Variants in ZNF385D observed in about 807,000 individuals in gnomAD.
The protein encoded by ZNF385D is zinc finger protein 659.
Under a neutral mutation model 35.8 loss-of-function variants are expected in ZNF385D, and 15 were observed. The observed-to-expected ratio is 0.42, with a 90% confidence interval of 0.28 to 0.64. ZNF385D has a LOEUF of 0.64. Among genes scored for constraint, ZNF385D ranks in the 30% least tolerant of loss-of-function variants. The pLI is 0.23. For synonymous variants in ZNF385D, 212 were observed against 186.8 expected (o/e 1.13, Z -1.10); for missense variants, 474 against 494.6 (o/e 0.96, Z 0.39).
At chr3:21,734,931 T>G (rs1175459707) in intron 1 of ZNF385D, among the ~76,000 whole-genome samples, 1 of 146,258 alleles carries the variant, frequency 6.8e-6, no homozygotes, top group Admixed American at 6.7e-5. Context: ...CAGTGAGGAA[T>G]GGAATGAGGG....
intron 2 of ZNF385D, among the ~76,000 whole-genome samples, chr3:22,259,893 A>G (rs1700531354): frequency 1.3e-5 from 2 of 151,794 alleles, no homozygotes; most frequent in African/African-American, 2.4e-5. Flanking sequence ...CCCCTCTCAG[A>G]CTCTCTGAAA....
At chr3:22,305,234 T>C (rs1703139558) in intron 2 of ZNF385D, among the ~76,000 whole-genome samples, 1 of 152,314 alleles carries the variant, frequency 6.6e-6, no homozygotes, top group African/African-American at 2.4e-5. Context: ...CTTTCTCCTA[T>C]TTATCTCCTT....
At chr3:21,701,324 C>G (rs1246096607) in intron 1 of ZNF385D, among the ~76,000 whole-genome samples, 1 of 151,748 alleles carries the variant, frequency 6.6e-6, no homozygotes, top group Non-Finnish European at 1.5e-5. Flanking sequence ...GAGGAAGAAG[C>G]AAAAGAGGAA....
At chr3:21,562,801 T>TAGAACTCTTATTTATGTATTAAG (rs1456878046) in intron 3 of ZNF385D, among the ~76,000 whole-genome samples, 1 of 143,806 alleles carries the variant, frequency 7.0e-6, no homozygotes, top group Non-Finnish European at 1.5e-5. Context: ...CTGTTGAGTT[T>TAGAACTCTTATTTATGTATTAAG]AGAACTCTTA....
intron 3 of ZNF385D, among the ~76,000 whole-genome samples, chr3:22,080,191 G>A (rs2125581214): frequency 6.6e-6 from 1 of 152,172 alleles, no homozygotes; most frequent in Middle Eastern, 3.4e-3. Context: ...GAAAGATAAT[G>A]GATCCTGGAA....
chr3:22,328,866 G>C (rs779396852), intron 2 of ZNF385D, among the ~76,000 whole-genome samples: 14 of 151,842 alleles, frequency 9.2e-5, no homozygotes, highest in Non-Finnish European at 1.9e-4. Context: ...ACGAGGTCAG[G>C]AGATCGAGAC....
chr3:22,226,136 A>T (rs1423748296), intron 2 of ZNF385D, among the ~76,000 whole-genome samples: 2 of 152,180 alleles, frequency 1.3e-5, no homozygotes, highest in Non-Finnish European at 1.5e-5. Flanking sequence ...CAAAAAAAAA[A>T]AGTTAGCTAA....
chr3:21,816,108 G>T (rs560303751), intron 3 of ZNF385D, among the ~76,000 whole-genome samples: 1 of 152,090 alleles, frequency 6.6e-6, no homozygotes, highest in Admixed American at 6.6e-5. Context: ...ATGCAGAAAA[G>T]GCCTTTGACA....
intron 1 of ZNF385D, among the ~76,000 whole-genome samples, chr3:21,706,898 T>C (rs1229539626): frequency 6.6e-6 from 1 of 151,984 alleles, no homozygotes; most frequent in Non-Finnish European, 1.5e-5. Context: ...ACAAATCAGG[T>C]TTAGGAAAAG....
intron 3 of ZNF385D, among the ~76,000 whole-genome samples, chr3:22,113,818 G>C (rs1281561927): frequency 6.6e-6 from 1 of 152,020 alleles, no homozygotes; most frequent in Non-Finnish European, 1.5e-5. Context: ...ACAATTTGGT[G>C]CTTTTTCAAG....
At chr3:21,457,019 C>T (rs932091475) in intron 4 of ZNF385D, among the ~76,000 whole-genome samples, 2 of 152,152 alleles carry the variant, frequency 1.3e-5, no homozygotes, top group Non-Finnish European at 2.9e-5. Flanking sequence ...ACTTTGATGA[C>T]CCTCTACTGG....
At chr3:21,850,150 A>C (rs748292557) in intron 3 of ZNF385D, among the ~76,000 whole-genome samples, 5 of 59,344 alleles carry the variant, frequency 8.4e-5, no homozygotes, top group Non-Finnish European at 1.2e-4. Flanking sequence ...TCAAAGGCTT[A>C]ATGGATAATA....
rs1002031087 is a variant in ZNF385D, at chr3:22,072,719, C to T, written c.325+96098G>A. On this transcript the variant is annotated intron_variant, in intron 3 of 5. Transcript: ENST00000494108. ...AGAAAGGGAGAAAGAGGGAAGGACA[C>T]GAGTAAAGTCAGACAAGGAAGAAAA... 6.0e-5 allele frequency among the ~76,000 whole-genome samples: 9 copies of T among 150,030 alleles called. No individual in the cohort carries two copies. In the South Asian group the frequency reaches 1.3e-3, roughly 21 times the overall value.
chr3:22,284,031 G>C (rs1002806923), intron 2 of ZNF385D, among the ~76,000 whole-genome samples: 1 of 151,896 alleles, frequency 6.6e-6, no homozygotes, highest in Non-Finnish European at 1.5e-5. Flanking sequence ...GTGGATACTT[G>C]GACATAATTA....
intron 3 of ZNF385D, among the ~76,000 whole-genome samples, chr3:22,050,831 C>T (rs1018711419): frequency 4.6e-5 from 7 of 152,174 alleles, no homozygotes; most frequent in African/African-American, 1.7e-4. Flanking sequence ...CTGACTTTCA[C>T]AATCTCTTCA....
intron 3 of ZNF385D, among the ~76,000 whole-genome samples, chr3:21,848,183 T>C (rs79499955): frequency 0.038 from 5,842 of 152,118 alleles, 390 homozygotes; most frequent in African/African-American, 0.13. Flanking sequence ...ATTTCCTTTT[T>C]TTTAAAAAAG....
At chr3:22,263,591 C>T (rs114269668) in intron 2 of ZNF385D, among the ~76,000 whole-genome samples, 216 of 151,988 alleles carry the variant, frequency 1.4e-3, no homozygotes, top group African/African-American at 4.5e-3. Flanking sequence ...AAGTTTTGTC[C>T]GTATTCATTA....
chr3:22,257,570 T>C (rs893195582), intron 2 of ZNF385D, among the ~76,000 whole-genome samples: 3 of 151,946 alleles, frequency 2.0e-5, no homozygotes, highest in East Asian at 1.9e-4. Flanking sequence ...TCTATTTCAA[T>C]CTATATATTT....
chr3:21,493,246 G>A (rs960594780), intron 4 of ZNF385D, among the ~76,000 whole-genome samples: 8 of 152,040 alleles, frequency 5.3e-5, no homozygotes. Flanking sequence ...TAGCAAATGA[G>A]AGATTTATGT....
Sources: allele counts gnomAD v4.1 joint callset (sites outside exome capture counted in the v4.1 genomes callset), GRCh38; gene constraint gnomAD v4.1.1; transcripts MANE v1.5; gene names NCBI Gene and HGNC (gene_info 2026-07-23, HGNC 2026-07-21).